The following HK1 variants were observed in gnomAD, a reference collection of about 807,000 sequenced individuals.
HK1 encodes hexokinase 1.
HK1 carries 28 observed loss-of-function variants against 91.6 expected under a neutral mutation model. That is an observed-to-expected ratio of 0.31 (90% CI 0.23 to 0.42). The LOEUF is 0.42. HK1 is among the 10% of genes least tolerant of loss of function. HK1 has a pLI of 1.00. For missense variants in HK1, 770 were observed against 1,219.8 expected (o/e 0.63, Z 5.49); for synonymous variants, 430 against 468.1 (o/e 0.92, Z 1.05).
chr10:69,381,546 C>CTTTTTT (rs35306200), intron 9 of HK1, among the ~76,000 whole-genome samples: 2 of 132,230 alleles, frequency 1.5e-5, no homozygotes, highest in East Asian at 2.1e-4. Context: ...TCATCTTAAC[C>CTTTTTT]TTTTTTTTTT....
intron 1 of HK1, among the ~76,000 whole-genome samples, chr10:69,273,849 AC>A (rs1437763214): frequency 6.6e-6 from 1 of 151,908 alleles, no homozygotes; most frequent in Non-Finnish European, 1.5e-5. Flanking sequence ...ATTTTTTCTA[AC>A]TTTTCTTTTA....
At chr10:69,359,207 A>G (rs1453443503) in intron 2 of HK1, among the ~76,000 whole-genome samples, 1 of 152,162 alleles carries the variant, frequency 6.6e-6, no homozygotes, top group African/African-American at 2.4e-5. Flanking sequence ...CAGAGAGTAG[A>G]ATCGTGGATG....
rs1839302790 is a variant in HK1 at position 69,379,926 on chromosome 10, G to T, written c.1096G>T (p.Asp366Tyr). The change falls in exon 9 of 18, where the codon GAT becomes TAT. Residue 366 changes from aspartate to tyrosine, a missense_variant. Physicochemically the swap from Asp to Tyr is radical, Grantham distance 160 (BLOSUM62 -3). Transcript: ENST00000359426. The part of the protein sequence containing the change: ...LTRLGVEPSD[D>Y]DCVSVQHVCT... ...CCGCCTGGGAGTGGAGCCGTCCGAT[G>T]ATGACTGTGTCTCAGTCCAGCACGT... 9 of 1,614,216 alleles carry T rather than the reference G, an allele frequency of 5.6e-6. No homozygotes were observed. Among genetic ancestry groups the T allele is most frequent in the Non-Finnish European group, 7.6e-6 (9 of 1,180,018 alleles).
At chr10:69,366,135 T>C (rs1451250234) in intron 4 of HK1, among the ~76,000 whole-genome samples, 1 of 152,166 alleles carries the variant, frequency 6.6e-6, no homozygotes, top group Non-Finnish European at 1.5e-5. Context: ...CTGGCCAGGC[T>C]CTGTTTTAAT....
At chr10:69,329,031 C>G (rs1312967871) in intron 1 of HK1, among the ~76,000 whole-genome samples, 1 of 152,120 alleles carries the variant, frequency 6.6e-6, no homozygotes, top group Non-Finnish European at 1.5e-5. Flanking sequence ...TATTTATCTA[C>G]TACATTTTGT....
rs373626952 is a variant in HK1 at position 69,382,695 on chromosome 10, C to T, written c.1474C>T (p.Arg492Trp). ...DMLLEVKKRMRAEMELGLRKQ... is the reference protein window; with the variant it reads ...DMLLEVKKRMWAEMELGLRKQ... ...GCTGCTGGAGGTGAAGAAGAGGATG[C>T]GGGCCGAGATGGAGCTGGGGCTGAG... Residue 492 changes from arginine (R) to tryptophan (W), a missense_variant, in exon 10 of 18, where the codon CGG becomes TGG. By Grantham distance (101) the Arg-to-Trp change is moderately radical. This residue lies in a region of HK1 where 449 missense variants were observed against 665.1 expected (regional missense o/e 0.68). Coordinates refer to ENST00000359426, the MANE Select transcript of HK1 (RefSeq NM_000188.3). 6.2e-5 allele frequency: 100 copies of T among 1,613,430 alleles called. No homozygotes were observed. Among genetic ancestry groups the T allele is most frequent in the Admixed American group, 1.2e-4 (7 of 59,962 alleles).
chr10:69,333,845 G>C (rs891098278), intron 1 of HK1, among the ~76,000 whole-genome samples: 3 of 152,182 alleles, frequency 2.0e-5, no homozygotes, highest in African/African-American at 7.2e-5. Context: ...GGGCGCAGTG[G>C]CTCACGCCTG....
chr10:69,333,048 G>C (rs1203382085), intron 1 of HK1, among the ~76,000 whole-genome samples: 2 of 152,188 alleles, frequency 1.3e-5, no homozygotes. Flanking sequence ...ATGTTCTGAG[G>C]ACTCTAAAGT....
intron 4 of HK1, 60 bp downstream of exon 4, chr10:69,364,962 G>A: frequency 5.0e-6 from 8 of 1,600,352 alleles, no homozygotes; most frequent in Non-Finnish European, 6.0e-6. Context: ...AAGCTAACAA[G>A]CCCTTTTCTC....
chr10:69,380,000 G>A lies in HK1; in HGVS notation c.1170G>A (p.Leu390=), dbSNP rs1839307837. ...CAGCCAACTTGGTGGCTGCCACACT[G>A]GGCGCCATCTTGAACCGCCTGCGTG... ...FRSANLVAAT[L]GAILNRLRDN... is the part of the protein sequence containing the mutation. The change falls in exon 9 of 18, where the codon CTG becomes CTA. Residue 390 remains leucine, a synonymous_variant. Transcript: ENST00000359426. 5.0e-6 allele frequency: 8 copies of A among 1,614,148 alleles called. No individual in the cohort carries two copies. The highest frequency in any genetic ancestry group is 1.3e-5 in the African/African-American group (1 of 75,036).
chr10:69,331,892 T>A (rs7913272), intron 1 of HK1, among the ~76,000 whole-genome samples: 30,289 of 142,334 alleles, frequency 0.21, 3,253 homozygotes, highest in African/African-American at 0.32. Flanking sequence ...AAAAAAAAAA[T>A]TTTTTTTCTG....
Position 69,359,905 on chromosome 10 carries a change from G to A in HK1, c.235G>A (p.Asp79Asn). 6.2e-7 allele frequency: 1 copy of A among 1,614,164 alleles called. No individual in the cohort carries two copies. Among genetic ancestry groups the A allele is most frequent in the Non-Finnish European group, 8.5e-7 (1 of 1,179,984 alleles). ...GTTGTCTCCCTAAACAGAAAAGGGA[G>A]ATTTCATTGCCCTGGATCTTGGTGG... ...RSIPDGSEKG[D>N]FIALDLGGSS... The change falls in exon 3 of 18, where the codon GAT becomes AAT. Residue 79 changes from aspartate to asparagine, a missense_variant. Asp to Asn is a conservative substitution (Grantham distance 23). Around this residue, in one of 7 missense-constraint regions of HK1, gnomAD observed 449 missense variants for 665.1 expected, o/e 0.68. Transcript: ENST00000359426.
At chr10:69,352,182 AG>A (rs1848909012) in intron 2 of HK1, among the ~76,000 whole-genome samples, 2 of 151,934 alleles carry the variant, frequency 1.3e-5, no homozygotes, top group Admixed American at 6.6e-5. Context: ...TAGTAGAGAC[AG>A]GGTTTCTCCA....
chr10:69,289,484 T>C (rs1335276679), intron 3 of HK1, among the ~76,000 whole-genome samples: 4 of 98,726 alleles, frequency 4.1e-5, no homozygotes, highest in African/African-American at 1.4e-4. Flanking sequence ...TTTTTTTTTT[T>C]TTTTTGAGAT....
intron 13 of HK1, among the ~76,000 whole-genome samples, chr10:69,387,246 A>G (rs57252689): frequency 0.055 from 8,428 of 152,220 alleles, 771 homozygotes; most frequent in African/African-American, 0.19. Flanking sequence ...CACAACACAG[A>G]CACAGATCCA....
intron 1 of HK1, among the ~76,000 whole-genome samples, chr10:69,321,236 G>A (rs879817376): frequency 8.5e-5 from 13 of 152,152 alleles, no homozygotes; most frequent in African/African-American, 4.8e-5. Context: ...CTATGATTGC[G>A]CCACCGCACT....
chr10:69,392,579 C>T (rs894142173), intron 15 of HK1, among the ~76,000 whole-genome samples: 6 of 152,154 alleles, frequency 3.9e-5, no homozygotes, highest in African/African-American at 7.2e-5. Flanking sequence ...TCTGGCCTTC[C>T]GGTCCCCTTG....
intron 1 of HK1, among the ~76,000 whole-genome samples, chr10:69,272,320 C>T (rs1341852043): frequency 6.6e-6 from 1 of 152,174 alleles, no homozygotes; most frequent in Non-Finnish European, 1.5e-5. Flanking sequence ...TTACGGATAT[C>T]ACCTTCTACC....
chr10:69,367,776 A>G (rs1407364012), intron 4 of HK1, among the ~76,000 whole-genome samples: 1 of 152,208 alleles, frequency 6.6e-6, no homozygotes, highest in Non-Finnish European at 1.5e-5. Context: ...ATTCAGAGTA[A>G]AACAGCCAAG....
Sources: gnomAD v4.1 joint callset for allele counts (sites outside exome capture counted in the v4.1 genomes callset) on GRCh38, gnomAD v4.1.1 for gene constraint, gnomAD v4.1.1 regional missense constraint, MANE v1.5 for transcripts, NCBI Gene and HGNC (gene_info 2026-07-23, HGNC 2026-07-21) for gene names.